SYCP2L: variants seen among roughly 807,000 people sequenced by gnomAD.
SYCP2L encodes synaptonemal complex protein 2 like, also known as synaptonemal complex protein 2-like.
In SYCP2L, 98 loss-of-function variants were observed where a neutral mutation model predicts 125.8. The ratio of observed to expected loss-of-function variants is 0.78; its 90% CI spans 0.66 to 0.92. SYCP2L has a LOEUF of 0.92. Among genes scored for constraint, SYCP2L ranks in the 40% least tolerant of loss-of-function variants. The pLI is 0.00. For missense variants in SYCP2L, 842 were observed against 936.4 expected, an observed-to-expected ratio of 0.90 and a Z score of 1.32; for synonymous variants, 317 against 325.4, an observed-to-expected ratio of 0.97 and a Z score of 0.28.
chr6:10,938,265 T>C (rs1359181104), intron 21 of SYCP2L, among the ~76,000 whole-genome samples: 1 of 152,118 alleles, frequency 6.6e-6, no homozygotes, highest in African/African-American at 2.4e-5. Context: ...TATATGCAAA[T>C]CAATAAATGT....
intron 15 of SYCP2L, among the ~76,000 whole-genome samples, chr6:10,924,993 G>A (rs2113346394): frequency 1.3e-5 from 2 of 152,220 alleles, no homozygotes; most frequent in Middle Eastern, 3.4e-3. Flanking sequence ...TGGACCTAGG[G>A]GGAGTGTATT....
In SYCP2L at chr6:10,902,887, T is replaced by C; in HGVS notation, c.565T>C (p.Phe189Leu). Residue 189 changes from phenylalanine (F) to leucine (L), a missense_variant, in exon 8 of 30, where the codon TTT (phenylalanine) becomes CTT (leucine). Transcript: ENST00000283141. ...CAATTCCAAAAAGGGCTTGAAGACTTTTAACTGCATTTTGCACGCTGTCCC... is the reference window on the plus strand; with the variant it reads ...CAATTCCAAAAAGGGCTTGAAGACTCTTAACTGCATTTTGCACGCTGTCCC... ...HLLQQEGLKT[F>L]NCILHAVPRE... The C allele has an allele frequency of 6.2e-7, 1 of 1,614,198 alleles. No homozygotes were observed. Among genetic ancestry groups the C allele is most frequent in the Non-Finnish European group, 8.5e-7 (1 of 1,180,038 alleles).
chr6:10,913,825 A>G (rs1581823730), intron 14 of SYCP2L, among the ~76,000 whole-genome samples: 2 of 151,060 alleles, frequency 1.3e-5, no homozygotes, highest in Admixed American at 1.3e-4. Context: ...TTCCAATGTT[A>G]TCTTCTAGAA....
intron 23 of SYCP2L, among the ~76,000 whole-genome samples, chr6:10,944,960 T>C (rs1561696707): frequency 6.6e-6 from 1 of 152,166 alleles, no homozygotes; most frequent in Non-Finnish European, 1.5e-5. Context: ...GTGATCTGCC[T>C]GCCTCGGCCT....
Position 10,898,840 on chromosome 6 carries a change from G to A in SYCP2L, c.458G>A (p.Ser153Asn), listed in dbSNP as rs2113295534. ...FDTALIISRSSSEGKIQMLDS... is the reference protein window; with the variant it reads ...FDTALIISRSNSEGKIQMLDS... ...TTTTGTTAGATTATTTCCAGGAGTA[G>A]TAGTGAAGGTAAGTATATTATTGGC... Residue 153 changes from serine to asparagine, a missense_variant, in exon 6 of 30, where the codon AGT (serine) becomes AAT (asparagine). Ser to Asn is a conservative substitution (Grantham distance 46, BLOSUM62 1). Transcript: ENST00000283141. 1 of 1,392,148 alleles carries A rather than the reference G, an allele frequency of 7.2e-7. No homozygotes were observed. The highest frequency in any genetic ancestry group is 1.0e-6 in the Non-Finnish European group (1 of 984,124). 86.2% of individuals were successfully genotyped at this position (1,392,148 alleles called of 1,614,324 possible).
intron 29 of SYCP2L, among the ~76,000 whole-genome samples, chr6:10,973,510 G>A (rs1464768607): frequency 3.9e-5 from 6 of 152,076 alleles, no homozygotes; most frequent in South Asian, 2.1e-4. Context: ...CCAGCCTTGC[G>A]ACAGAGTGAG....
At chr6:10,899,077 G>T (rs535104408) in intron 6 of SYCP2L, among the ~76,000 whole-genome samples, 3 of 152,178 alleles carry the variant, frequency 2.0e-5, no homozygotes, top group Non-Finnish European at 4.4e-5. Context: ...CTGACATATG[G>T]CTAGCTCTGT....
At chr6:10,972,838 T>C (rs1239930985) in intron 29 of SYCP2L, among the ~76,000 whole-genome samples, 1 of 152,138 alleles carries the variant, frequency 6.6e-6, no homozygotes, top group Non-Finnish European at 1.5e-5. Context: ...TCCTCCCCAC[T>C]TTTTAAAATC....
At chr6:10,888,972 C>T (rs1780130674) in intron 1 of SYCP2L, among the ~76,000 whole-genome samples, 1 of 152,112 alleles carries the variant, frequency 6.6e-6, no homozygotes, top group African/African-American at 2.4e-5. Flanking sequence ...AGTGATTCTC[C>T]TTCCTCAGCC....
Position 10,954,382 on chromosome 6 carries a change from GA to G in SYCP2L, c.1955-733del, listed in dbSNP as rs1288135971. On this transcript the variant is annotated intron_variant, in intron 23 of 29. Coordinates refer to ENST00000283141, the MANE Select transcript of SYCP2L (RefSeq NM_001040274.3). The surrounding 1 kb of genome is among the most constrained non-coding windows in gnomAD (Gnocchi z 4.8). ...TGAAGGATTGACGATTTCCTCTAGG[GA>G]GATGGCTTTGGGCAGGAACTCAGAG... 7.2e-5 allele frequency among the ~76,000 whole-genome samples: 11 copies of G among 152,276 alleles called. No individual in the cohort carries two copies. The highest frequency in any genetic ancestry group is 2.6e-4 in the African/African-American group (11 of 41,558).
At chr6:10,957,759 G>T (rs1781524198) in intron 25 of SYCP2L, among the ~76,000 whole-genome samples, 1 of 152,200 alleles carries the variant, frequency 6.6e-6, no homozygotes, top group African/African-American at 2.4e-5. Context: ...CAAGGTTACA[G>T]TGAGCTATGA....
chr6:10,890,241 G>T (rs183290875), intron 1 of SYCP2L, among the ~76,000 whole-genome samples: 1 of 152,288 alleles, frequency 6.6e-6, no homozygotes, highest in East Asian at 1.9e-4. Context: ...GAGTGGAATT[G>T]CTGGATTTAT....
chr6:10,893,446 G>C (rs9368452), intron 2 of SYCP2L, among the ~76,000 whole-genome samples: 5 of 151,996 alleles, frequency 3.3e-5, no homozygotes, highest in Non-Finnish European at 1.5e-5. Context: ...ATGTCACTTA[G>C]TGAGTGATCA....
chr6:10,930,537 T>C (rs774870431), intron 19 of SYCP2L, 23 bp downstream of exon 19: 5 of 1,598,798 alleles, frequency 3.1e-6, no homozygotes, highest in Non-Finnish European at 4.3e-6. Flanking sequence ...TGTCTTCTTT[T>C]GAATCACTTT....
intron 2 of SYCP2L, among the ~76,000 whole-genome samples, chr6:10,893,459 G>A (rs1037951352): frequency 6.6e-6 from 1 of 152,072 alleles, no homozygotes; most frequent in African/African-American, 2.4e-5. Context: ...AGTGATCATA[G>A]GCTTGAAATT....
intron 14 of SYCP2L, chr6:10,922,866 A>G (rs1210386475): frequency 1.3e-5 from 2 of 152,208 alleles, no homozygotes; most frequent in African/African-American, 4.8e-5. Context: ...AGTAGATTAA[A>G]AAAGTAGATT....
intron 12 of SYCP2L, among the ~76,000 whole-genome samples, chr6:10,911,206 CCTTG>C (rs1780601034): frequency 1.3e-5 from 2 of 152,028 alleles, no homozygotes; most frequent in South Asian, 4.2e-4. Context: ...AGGATGATTT[CCTTG>C]CTTCTTTCCT....
At chr6:10,889,927 G>A (rs1780147412) in intron 1 of SYCP2L, among the ~76,000 whole-genome samples, 1 of 152,224 alleles carries the variant, frequency 6.6e-6, no homozygotes, top group African/African-American at 2.4e-5. Context: ...GCCGAGATCA[G>A]CTTTTTTAGC....
intron 1 of SYCP2L, among the ~76,000 whole-genome samples, chr6:10,888,332 T>C (rs1780116893): frequency 6.6e-6 from 1 of 152,076 alleles, no homozygotes. Context: ...CTTGACCTCA[T>C]GATCTGCCCG....
Sources: allele counts gnomAD v4.1 joint callset (sites outside exome capture counted in the v4.1 genomes callset), GRCh38; gene constraint gnomAD v4.1.1; non-coding constraint Gnocchi (gnomAD v3.1); transcripts MANE v1.5; gene names NCBI Gene and HGNC (gene_info 2026-07-23, HGNC 2026-07-21).